Variants in WDR7 observed in about 807,000 individuals in gnomAD.
WDR7 encodes WD repeat domain 7.
A neutral mutation model predicts 169.4 loss-of-function variants in WDR7; 46 were observed. The ratio of observed to expected loss-of-function variants is 0.27; its 90% CI spans 0.21 to 0.35. WDR7 has a LOEUF of 0.35. Among genes scored for constraint, WDR7 ranks in the 10% least tolerant of loss-of-function variants. WDR7 has a pLI of 1.00. For missense variants in WDR7, 1,534 were observed against 1,859.3 expected, an observed-to-expected ratio of 0.83 and a Z score of 3.22; for synonymous variants, 612 against 666.8, an observed-to-expected ratio of 0.92 and a Z score of 1.27.
At chr18:56,819,385 T>C (rs1044251353) in intron 20 of WDR7, among the ~76,000 whole-genome samples, 71 of 152,294 alleles carry the variant, frequency 4.7e-4, no homozygotes, top group Middle Eastern at 6.8e-3. Context: ...CTGCAGCTTC[T>C]TTCTCTATCT....
intron 12 of WDR7, among the ~76,000 whole-genome samples, chr18:56,710,849 A>G (rs1316039939): frequency 6.6e-6 from 1 of 152,194 alleles, no homozygotes; most frequent in East Asian, 1.9e-4. Flanking sequence ...ATTACTGCCA[A>G]GCAGTTGGAA....
intron 20 of WDR7, among the ~76,000 whole-genome samples, chr18:56,874,433 T>G (rs945434757): frequency 1.3e-5 from 2 of 152,020 alleles, no homozygotes; most frequent in African/African-American, 4.8e-5. Flanking sequence ...ACTAAAACTT[T>G]CCATGAAGAG....
At chr18:56,882,666 A>G (rs1304067222) in intron 21 of WDR7, among the ~76,000 whole-genome samples, 1 of 152,148 alleles carries the variant, frequency 6.6e-6, no homozygotes, top group Non-Finnish European at 1.5e-5. Flanking sequence ...TCATTAGCAA[A>G]TTTAGCACCC....
chr18:56,685,437 C>T (rs527907470), intron 5 of WDR7, among the ~76,000 whole-genome samples: 24 of 152,290 alleles, frequency 1.6e-4, no homozygotes, highest in African/African-American at 2.9e-4. Flanking sequence ...AATTCCTGTA[C>T]GTGACCCTGG....
chr18:56,720,768 A>T (rs1179779475), intron 13 of WDR7, among the ~76,000 whole-genome samples: 2 of 152,162 alleles, frequency 1.3e-5, no homozygotes, highest in Non-Finnish European at 2.9e-5. Flanking sequence ...TATTGTTATA[A>T]TCAGTTTAGT....
At chr18:56,761,223 T>A (rs748255142) in intron 16 of WDR7, among the ~76,000 whole-genome samples, 2 of 152,190 alleles carry the variant, frequency 1.3e-5, no homozygotes, top group Non-Finnish European at 2.9e-5. Flanking sequence ...CTGCCCAGGC[T>A]GGTCTTGAAC....
intron 20 of WDR7, among the ~76,000 whole-genome samples, chr18:56,871,356 A>G (rs1753111179): frequency 6.6e-6 from 1 of 152,120 alleles, no homozygotes; most frequent in Admixed American, 6.5e-5. Flanking sequence ...CTTAATCCAA[A>G]TTATTTTAGT....
intron 18 of WDR7, among the ~76,000 whole-genome samples, chr18:56,781,199 A>T (rs147283492): frequency 3.3e-5 from 5 of 152,350 alleles, no homozygotes; most frequent in African/African-American, 9.6e-5. Context: ...TTTTAAAAGT[A>T]AAATGCTACA....
intron 20 of WDR7, among the ~76,000 whole-genome samples, chr18:56,850,174 C>G (rs1233126323): frequency 1.3e-5 from 2 of 152,194 alleles, no homozygotes; most frequent in Non-Finnish European, 2.9e-5. Context: ...TCTAAAGTAC[C>G]CCTTCCCCTT....
chr18:56,763,988 T>G (rs1202553864), intron 16 of WDR7, among the ~76,000 whole-genome samples: 2 of 152,118 alleles, frequency 1.3e-5, no homozygotes, highest in Admixed American at 1.3e-4. Flanking sequence ...ATTTTATGGA[T>G]CTTTTCAAAG....
At chr18:56,720,693 G>A (rs1330818978) in intron 13 of WDR7, among the ~76,000 whole-genome samples, 1 of 152,146 alleles carries the variant, frequency 6.6e-6, no homozygotes, top group Non-Finnish European at 1.5e-5. Context: ...CAAAGTTACT[G>A]TTCTAGTGAG....
At chr18:56,811,585 T>G (rs1209774496) in intron 19 of WDR7, among the ~76,000 whole-genome samples, 2 of 152,176 alleles carry the variant, frequency 1.3e-5, no homozygotes, top group African/African-American at 4.8e-5. Context: ...TCTCCTGAGT[T>G]TTTTTGGAAA....
At chr18:56,969,406 T>G (rs958974860) in intron 26 of WDR7, among the ~76,000 whole-genome samples, 3 of 152,240 alleles carry the variant, frequency 2.0e-5, no homozygotes, top group Non-Finnish European at 4.4e-5. Flanking sequence ...ATGAGCTGTT[T>G]CATTCAATAA....
chr18:56,767,287 T>C (rs1035609719), intron 16 of WDR7, among the ~76,000 whole-genome samples: 1 of 152,230 alleles, frequency 6.6e-6, no homozygotes, highest in Non-Finnish European at 1.5e-5. Flanking sequence ...TGCTGTATAC[T>C]TGAGGGAGAT....
At chr18:56,823,820 C>T (rs2045147207) in intron 20 of WDR7, among the ~76,000 whole-genome samples, 2 of 152,146 alleles carry the variant, frequency 1.3e-5, no homozygotes, top group Admixed American at 1.3e-4. Context: ...TTTTTGTCTT[C>T]TCTGTTTCCA....
chr18:56,872,505 C>G (rs904472052), intron 20 of WDR7, among the ~76,000 whole-genome samples: 1 of 152,160 alleles, frequency 6.6e-6, no homozygotes, highest in Non-Finnish European at 1.5e-5. Context: ...CAATTACGTA[C>G]ATTTGAAGAA....
downstream of WDR7, chr18:57,031,604 A>G (rs1372249317): frequency 1.3e-5 from 2 of 152,212 alleles, no homozygotes; most frequent in African/African-American, 2.4e-5. Flanking sequence ...TATAGCTTCT[A>G]TTTATATACC....
At chr18:56,768,918 T>C (rs2044109689) in intron 16 of WDR7, among the ~76,000 whole-genome samples, 1 of 152,168 alleles carries the variant, frequency 6.6e-6, no homozygotes, top group South Asian at 2.1e-4. Context: ...ATAAAGATAG[T>C]TAAGATAGTT....
chr18:56,972,675 T>C (rs75290045), intron 26 of WDR7, among the ~76,000 whole-genome samples: 2 of 152,262 alleles, frequency 1.3e-5, no homozygotes, highest in East Asian at 3.9e-4. Context: ...GAAATGCTAT[T>C]TAGAGAAAAA....
Sources: allele counts gnomAD v4.1 joint callset (sites outside exome capture counted in the v4.1 genomes callset), GRCh38; gene constraint gnomAD v4.1.1; transcripts MANE v1.5; gene names NCBI Gene and HGNC (gene_info 2026-07-23, HGNC 2026-07-21).